The following KDM3B variants were observed in gnomAD, a reference collection of about 807,000 sequenced individuals.
The protein encoded by KDM3B is lysine-specific demethylase 3B.
Under a neutral mutation model 170.0 loss-of-function variants are expected in KDM3B, and 10 were observed. The ratio of observed to expected loss-of-function variants is 0.06; its 90% CI spans 0.04 to 0.10. KDM3B has a LOEUF of 0.10. Ranked by LOEUF, KDM3B falls within the 10% of genes least tolerant of loss-of-function variation. KDM3B has a pLI of 1.00. For missense variants in KDM3B, 1,394 were observed against 2,195.2 expected (o/e 0.64, Z 7.29); for synonymous variants, 831 against 834.8 (o/e 1.00, Z 0.08).
At chr5:138,369,161 A>G (rs1761814657) in intron 1 of KDM3B, among the ~76,000 whole-genome samples, 1 of 152,294 alleles carries the variant, frequency 6.6e-6, no homozygotes, top group South Asian at 2.1e-4. Flanking sequence ...CTGGTAGAGT[A>G]CTGTGTCACT....
rs1005831944 is a variant in KDM3B at position 138,424,011 on chromosome 5, G to GT, written c.3973-58dup. 50 of 1,474,718 alleles carry GT rather than the reference G, an allele frequency of 3.4e-5. No individual in the cohort carries two copies. In the African/African-American group the frequency reaches 4.9e-4, roughly 14 times the overall value. The allele number at this position is 1,474,718 out of a possible 1,614,324, so 91.4% of individuals were successfully genotyped here. ...TCCTTGTGAATACAATTGTGAGACAGTTTTTTGAATGCCGTTCTCATGGTG... is the reference window on the plus strand; with the variant it reads ...TCCTTGTGAATACAATTGTGAGACAGTTTTTTTGAATGCCGTTCTCATGGTG... On this transcript the variant is annotated intron_variant, in intron 15 of 23. Transcript: ENST00000314358.
At chr5:138,404,902 GT>G (rs1205571909) in intron 11 of KDM3B, among the ~76,000 whole-genome samples, 3 of 149,318 alleles carry the variant, frequency 2.0e-5, no homozygotes, top group Admixed American at 6.7e-5. Context: ...TTTTTGTGGG[GT>G]TTTTTATATT....
chr5:138,390,310 T>C (rs1291077958), intron 7 of KDM3B, among the ~76,000 whole-genome samples: 1 of 152,222 alleles, frequency 6.6e-6, no homozygotes, highest in Non-Finnish European at 1.5e-5. Context: ...CTTTGGATTC[T>C]TATTAGATTC....
At chr5:138,378,214 T>C (rs1338835571) in intron 4 of KDM3B, among the ~76,000 whole-genome samples, 1 of 152,218 alleles carries the variant, frequency 6.6e-6, no homozygotes, top group Non-Finnish European at 1.5e-5. Flanking sequence ...AGTTTTATTG[T>C]GAGTTGAGTT....
intron 8 of KDM3B, among the ~76,000 whole-genome samples, chr5:138,392,863 A>G (rs1005056544): frequency 6.6e-6 from 1 of 152,222 alleles, no homozygotes; most frequent in Non-Finnish European, 1.5e-5. Flanking sequence ...CAGAATAGCC[A>G]TATCGTGAGA....
At chr5:138,383,615 A>G (rs1284701097) in intron 6 of KDM3B, among the ~76,000 whole-genome samples, 2 of 152,192 alleles carry the variant, frequency 1.3e-5, no homozygotes, top group Non-Finnish European at 2.9e-5. Flanking sequence ...TGAATGAACA[A>G]GAAAGAACAG....
chr5:138,393,198 G>A lies in KDM3B; in HGVS notation c.2657G>A (p.Ser886Asn). Reference sequence around the variant, plus strand: ...GGCCAGTCAGTGCTGAAAGATGTAAGCAAAGTGAAGAAGCTGAAGCAATCT... The same window carrying A: ...GGCCAGTCAGTGCTGAAAGATGTAAACAAAGTGAAGAAGCTGAAGCAATCT... ...KVGQSVLKDV[S>N]KVKKLKQSGE... The change falls in exon 9 of 24, where the codon AGC becomes AAC. Residue 886 changes from serine (S) to asparagine (N), a missense_variant. Physicochemically the swap from Ser to Asn is conservative, Grantham distance 46. Coordinates refer to ENST00000314358, the MANE Select transcript of KDM3B (RefSeq NM_016604.4). 2 of 1,614,168 alleles carry A rather than the reference G, an allele frequency of 1.2e-6. No individual in the cohort carries two copies. The highest frequency in any genetic ancestry group is 1.7e-6 in the Non-Finnish European group (2 of 1,180,050).
At chr5:138,383,379 C>T (rs746277710) in intron 6 of KDM3B, among the ~76,000 whole-genome samples, 16 of 151,674 alleles carry the variant, frequency 1.1e-4, no homozygotes, top group African/African-American at 1.9e-4. Flanking sequence ...CCTCGTGATC[C>T]GCCCACCTTG....
chr5:138,375,522 C>T (rs549328647), intron 3 of KDM3B, among the ~76,000 whole-genome samples: 10 of 151,846 alleles, frequency 6.6e-5, no homozygotes, highest in Admixed American at 2.0e-4. Context: ...GGACTACAGG[C>T]GCCTGCCACA....
intron 1 of KDM3B, among the ~76,000 whole-genome samples, chr5:138,354,249 A>G (rs1433056413): frequency 1.3e-5 from 2 of 152,162 alleles, no homozygotes; most frequent in African/African-American, 4.8e-5. Context: ...CTGTATAAGA[A>G]ACGTTACTAG....
intron 13 of KDM3B, among the ~76,000 whole-genome samples, chr5:138,418,568 T>G (rs1162339777): frequency 6.6e-6 from 1 of 152,204 alleles, no homozygotes; most frequent in Non-Finnish European, 1.5e-5. Flanking sequence ...GAAAAATCAG[T>G]AAGAGTAATA....
At chr5:138,370,680 T>C (rs1365755714) in intron 1 of KDM3B, among the ~76,000 whole-genome samples, 1 of 152,232 alleles carries the variant, frequency 6.6e-6, no homozygotes, top group Non-Finnish European at 1.5e-5. Flanking sequence ...CTACAGGAAA[T>C]GCCTGGTGCC....
At position 138,388,043 on chromosome 5, in the gene KDM3B, T is replaced by G. The variant is rs185150067; in HGVS notation, c.1380+1422T>G. Among the ~76,000 whole-genome samples the G allele has an allele frequency of 4.3e-3, 655 of 152,084 alleles. 1 individual carries two copies. The highest frequency in any genetic ancestry group is 0.015 in the African/African-American group (628 of 41,496). ...TTGCAGTGAGCCGAGATTGTGCCAC[T>G]GCACTCCAGCCTGGGCGACAGAGCA... On this transcript the variant is annotated intron_variant, in intron 7 of 23. Coordinates refer to ENST00000314358, the MANE Select transcript of KDM3B (RefSeq NM_016604.4).
Position 138,352,727 on chromosome 5 carries a change from G to C in KDM3B, c.-69G>C. The C allele has an allele frequency of 8.7e-7, 1 of 1,152,754 alleles. No individual in the cohort carries two copies. Among genetic ancestry groups the C allele is most frequent in the Non-Finnish European group, 1.1e-6 (1 of 935,154 alleles). 71.4% of individuals were successfully genotyped at this position (1,152,754 alleles called of 1,614,324 possible). On this transcript the variant is annotated 5_prime_UTR_variant, in exon 1 of 24. Coordinates refer to ENST00000314358, the MANE Select transcript of KDM3B (RefSeq NM_016604.4). ...GGTGCGGAGGGAGGCCTTGCGGGCG[G>C]ATCGGGCGCTTGGCGGCGGAGGTGG...
intron 1 of KDM3B, among the ~76,000 whole-genome samples, chr5:138,369,547 C>T (rs1448439242): frequency 6.6e-6 from 1 of 152,170 alleles, no homozygotes; most frequent in Non-Finnish European, 1.5e-5. Flanking sequence ...CTGGATGAAG[C>T]CCCAATCTTT....
chr5:138,411,056 C>G (rs956528044), intron 11 of KDM3B, among the ~76,000 whole-genome samples: 8 of 152,192 alleles, frequency 5.3e-5, no homozygotes, highest in African/African-American at 1.4e-4. Context: ...GCAGAGTCTT[C>G]TCTAAACTCC....
chr5:138,399,515 A>G (rs920456573), intron 10 of KDM3B, among the ~76,000 whole-genome samples: 6 of 151,758 alleles, frequency 4.0e-5, no homozygotes, highest in Non-Finnish European at 7.4e-5. Flanking sequence ...TCCAGCCTGG[A>G]TGACAAAGCG....
At chr5:138,360,478 T>G (rs1412238368) in intron 1 of KDM3B, among the ~76,000 whole-genome samples, 1 of 151,918 alleles carries the variant, frequency 6.6e-6, no homozygotes, top group Non-Finnish European at 1.5e-5. Context: ...GTTGAGTTTT[T>G]CAGACACTCA....
At position 138,431,139 on chromosome 5, in the gene KDM3B, G is replaced by T. The variant is rs377723898; in HGVS notation, c.5071-286G>T. Among the ~76,000 whole-genome samples, 15 of 151,538 alleles carry T rather than the reference G, an allele frequency of 9.9e-5. No individual in the cohort carries two copies. The East Asian group carries it at 2.3e-3, about 23-fold the overall frequency. On this transcript the variant is annotated intron_variant, in intron 22 of 23. Coordinates refer to ENST00000314358, the MANE Select transcript of KDM3B (RefSeq NM_016604.4). ...TTTTTTGTTTTTTTGGTAGAGACGG[G>T]GTTTCGCCATATCACCGTATCAAGC...
Sources: gnomAD v4.1 joint callset for allele counts (sites outside exome capture counted in the v4.1 genomes callset) on GRCh38, gnomAD v4.1.1 for gene constraint, MANE v1.5 for transcripts, NCBI Gene and HGNC (gene_info 2026-07-23, HGNC 2026-07-21) for gene names.